Variants in SLC25A33 observed in about 807,000 individuals in gnomAD.
SLC25A33 encodes the protein bone marrow stromal cell mitochondrial carrier protein.
In SLC25A33, 15 loss-of-function variants were observed where a neutral mutation model predicts 35.5. The observed-to-expected ratio is 0.42, with a 90% CI of 0.28 to 0.65. The LOEUF (loss-of-function observed/expected upper bound fraction) is 0.65. SLC25A33 is among the 30% of genes least tolerant of loss of function. The pLI is 0.20. For missense variants in SLC25A33, 257 were observed against 398.5 expected, an observed-to-expected ratio of 0.64 and a Z score of 3.02; for synonymous variants, 136 against 148.7, an observed-to-expected ratio of 0.91 and a Z score of 0.62.
At chr1:9,563,409 A>G (rs904610502) in intron 2 of SLC25A33, among the ~76,000 whole-genome samples, 2 of 152,202 alleles carry the variant, frequency 1.3e-5, no homozygotes, top group African/African-American at 2.4e-5. Flanking sequence ...TATTTACTTT[A>G]TACATTCAGA....
At chr1:9,567,417 T>C (rs756327632) in intron 3 of SLC25A33, 56 bp downstream of exon 3, 39 of 1,507,292 alleles carry the variant, frequency 2.6e-5, no homozygotes, top group Admixed American at 5.4e-5. Flanking sequence ...TTCTGGGTCC[T>C]TTCTTACCAA....
intron 2 of SLC25A33, among the ~76,000 whole-genome samples, chr1:9,564,739 A>AAATAT (rs60174872): frequency 1.3e-4 from 13 of 96,540 alleles, no homozygotes; most frequent in African/African-American, 5.3e-4. Context: ...AAAAAAAAAA[A>AAATAT]ATATATATAT....
intron 2 of SLC25A33, among the ~76,000 whole-genome samples, chr1:9,559,572 A>G (rs1180026092): frequency 6.6e-6 from 1 of 151,874 alleles, no homozygotes; most frequent in Non-Finnish European, 1.5e-5. Context: ...ATCCTATTAC[A>G]TAATTCTCAT....
At chr1:9,579,544 G>GGC (rs1158233422) in intron 5 of SLC25A33, among the ~76,000 whole-genome samples, 1 of 152,186 alleles carries the variant, frequency 6.6e-6, no homozygotes, top group Non-Finnish European at 1.5e-5. Context: ...ACAGAGTAAG[G>GGC]GGCGTGGAGC....
Position 9,583,397 on chromosome 1 carries a change from C to T in SLC25A33, c.*896C>T, listed in dbSNP as rs987223868. ...CAATATTTTAAGCTATAAAAAACTT[C>T]CTGAAGTTATCCTTTTCTCCCTACT... On this transcript the variant is annotated 3_prime_UTR_variant, in exon 7 of 7. Coordinates refer to ENST00000302692, the MANE Select transcript of SLC25A33 (RefSeq NM_032315.3). The T allele has an allele frequency of 2.0e-5, 3 of 152,114 alleles. No homozygotes were observed. The highest frequency in any genetic ancestry group is 3.2e-3 in the Middle Eastern group (1 of 316). 9.4% of individuals were successfully genotyped at this position (152,114 alleles called of 1,614,324 possible).
chr1:9,558,394 A>G (rs1643375572), intron 2 of SLC25A33, among the ~76,000 whole-genome samples: 1 of 152,188 alleles, frequency 6.6e-6, no homozygotes, highest in South Asian at 2.1e-4. Context: ...TTCTCTAGCT[A>G]CTGCCACTCC....
chr1:9,542,135 C>G (rs758918778), intron 1 of SLC25A33, among the ~76,000 whole-genome samples: 17 of 152,162 alleles, frequency 1.1e-4, no homozygotes, highest in Non-Finnish European at 2.2e-4. Context: ...GTATTCCAAA[C>G]CAGGAGAGTT....
At chr1:9,556,052 G>A (rs535002953) in intron 2 of SLC25A33, 6 of 234,614 alleles carry the variant, frequency 2.6e-5, no homozygotes, top group Middle Eastern at 2.1e-3. Flanking sequence ...AGTTGGGGGT[G>A]GGTACAGGAG....
intron 1 of SLC25A33, among the ~76,000 whole-genome samples, chr1:9,550,351 G>C (rs1643249001): frequency 6.6e-6 from 1 of 151,976 alleles, no homozygotes; most frequent in Non-Finnish European, 1.5e-5. Flanking sequence ...GCATAGACTT[G>C]GATGACAGTT....
intron 4 of SLC25A33, among the ~76,000 whole-genome samples, chr1:9,572,334 G>C (rs982870930): frequency 6.6e-6 from 1 of 152,138 alleles, no homozygotes; most frequent in Non-Finnish European, 1.5e-5. Context: ...AGTGTCAGCC[G>C]GGCTTGGTGG....
Position 9,552,226 on chromosome 1 carries a change from T to G in SLC25A33, c.57-1400T>G, listed in dbSNP as rs544862855. ...CATTGTTGAAGGTGATTAATCAGAT[T>G]TTTTTTTTTAAGACAGTCTTGCTCT... On this transcript the variant is annotated intron_variant, in intron 1 of 6. Coordinates refer to ENST00000302692, the MANE Select transcript of SLC25A33 (RefSeq NM_032315.3). Among the ~76,000 whole-genome samples, 3 of 150,410 alleles carry G rather than the reference T, an allele frequency of 2.0e-5. No individual in the cohort carries two copies. In the East Asian group the frequency reaches 5.8e-4, roughly 29 times the overall value.
At chr1:9,580,509 A>C (rs182692923) in intron 6 of SLC25A33, among the ~76,000 whole-genome samples, 85 of 152,334 alleles carry the variant, frequency 5.6e-4, no homozygotes, top group African/African-American at 1.8e-3. Context: ...GGAAGCTAAA[A>C]ATCTGGATTG....
rs150616294 is a variant in SLC25A33, at chr1:9,583,086, G to C, written c.*585G>C. 1 of 152,208 alleles carries C rather than the reference G, an allele frequency of 6.6e-6. No homozygotes were observed. Among genetic ancestry groups the C allele is most frequent in the East Asian group, 1.9e-4 (1 of 5,198 alleles). The allele number at this position is 152,208 out of a possible 1,614,324, so 9.4% of individuals were successfully genotyped here. A position where few individuals can be genotyped will look rare whatever the true frequency, so the allele number is the denominator to read the frequency against. ...CTAAAAATACAAAAATTAGCCGGACGTGTGCCTGTAATCCCAGCTACTTGG... is the reference window on the plus strand; with the variant it reads ...CTAAAAATACAAAAATTAGCCGGACCTGTGCCTGTAATCCCAGCTACTTGG... On this transcript the variant is annotated 3_prime_UTR_variant, in exon 7 of 7. Transcript: ENST00000302692.
At chr1:9,546,696 T>C (rs1259737213) in intron 1 of SLC25A33, among the ~76,000 whole-genome samples, 3 of 152,134 alleles carry the variant, frequency 2.0e-5, no homozygotes, top group Non-Finnish European at 4.4e-5. Context: ...ACTAGGCTCA[T>C]TTAGGGGGTG....
chr1:9,584,489 T>A lies in SLC25A33; in HGVS notation c.*1988T>A, dbSNP rs1376700890. The stretch of plus-strand genomic sequence containing the variant: ...ATCTCGGCTCACTACAGCCTCCACC[T>A]CCCGGTTTCAAGCAATTCTCCTGTC... On this transcript the variant is annotated 3_prime_UTR_variant, in exon 7 of 7. Transcript: ENST00000302692. 6.6e-6 allele frequency: 1 copy of A among 152,162 alleles called. No individual in the cohort carries two copies. The highest frequency in any genetic ancestry group is 1.5e-5 in the Non-Finnish European group (1 of 68,102). The allele number at this position is 152,162 out of a possible 1,614,324, so 9.4% of individuals were successfully genotyped here.
chr1:9,584,723 ATTG>A lies in SLC25A33; in HGVS notation c.*2228_*2230del, dbSNP rs1643785765. On this transcript the variant is annotated 3_prime_UTR_variant, in exon 7 of 7. Coordinates refer to ENST00000302692, the MANE Select transcript of SLC25A33 (RefSeq NM_032315.3). Reference sequence around the variant, plus strand: ...CCGCGCCGCCCCTTCCTTTGTTGTTATTGTTGTTTTGAGACAAGGTATCACTCG... The same window carrying A: ...CCGCGCCGCCCCTTCCTTTGTTGTTATTGTTTTGAGACAAGGTATCACTCG... 1 of 151,966 alleles carries A rather than the reference ATTG, an allele frequency of 6.6e-6. No individual in the cohort carries two copies. The highest frequency in any genetic ancestry group is 2.1e-4 in the South Asian group (1 of 4,820). The allele number at this position is 151,966 out of a possible 1,614,324, so 9.4% of individuals were successfully genotyped here.
At chr1:9,553,370 G>A (rs1486388494) in intron 1 of SLC25A33, among the ~76,000 whole-genome samples, 1 of 151,014 alleles carries the variant, frequency 6.6e-6, no homozygotes, top group African/African-American at 2.4e-5. Context: ...GACTACAGGC[G>A]CCTGCCACCA....
intron 2 of SLC25A33, among the ~76,000 whole-genome samples, chr1:9,561,917 C>T (rs1317642158): frequency 6.6e-6 from 1 of 152,118 alleles, no homozygotes; most frequent in East Asian, 1.9e-4. Context: ...GTTCAGACAG[C>T]TCGATCGTTT....
At position 9,553,797 on chromosome 1, in the gene SLC25A33, G is replaced by C. The variant is rs1643303068; in HGVS notation, c.228G>C (p.Gln76His). The change falls in exon 2 of 7, where the codon CAG becomes CAC. Residue 76 changes from glutamine (Q) to histidine (H), a missense_variant. By Grantham distance (24) the Gln-to-His change is conservative. Transcript: ENST00000302692. ...RPTSVTPGLFQVLKSILEKEG... is the reference protein window; with the variant it reads ...RPTSVTPGLFHVLKSILEKEG... ...CATCCGTGACACCTGGACTCTTTCA[G>C]GTTCTGAAGTAAGTTCAGTCTTGTC... The C allele has an allele frequency of 6.2e-7, 1 of 1,613,562 alleles. No individual in the cohort carries two copies. The highest frequency in any genetic ancestry group is 8.5e-7 in the Non-Finnish European group (1 of 1,179,774).
Sources: gnomAD v4.1 joint callset for allele counts (sites outside exome capture counted in the v4.1 genomes callset) on GRCh38, gnomAD v4.1.1 for gene constraint, MANE v1.5 for transcripts, NCBI Gene and HGNC (gene_info 2026-07-23, HGNC 2026-07-21) for gene names.